Variants in ABTB2 observed in about 807,000 individuals in gnomAD.
ABTB2 encodes the protein ankyrin repeat and BTB/POZ domain-containing protein 2.
In ABTB2, 56 loss-of-function variants were observed where a neutral mutation model predicts 104.1. The ratio of observed to expected loss-of-function variants is 0.54; its 90% CI spans 0.43 to 0.67. The LOEUF (loss-of-function observed/expected upper bound fraction) is 0.67. ABTB2 is among the 30% of genes least tolerant of loss of function. The probability of loss-of-function intolerance (pLI) is 0.00; values close to 1 mark genes in which losing one functional copy is unlikely to be tolerated. For synonymous variants in ABTB2, 606 were observed against 608.2 expected (o/e 1.00, Z 0.05); for missense variants, 1,279 against 1,407.7 (o/e 0.91, Z 1.46).
In ABTB2 at chr11:34,310,176, G is replaced by A. The variant is rs149076683; in HGVS notation, c.883+46525C>T. The stretch of plus-strand genomic sequence containing the variant: ...CACTGAGAGCCCAGGAAGGGCTCGA[G>A]AAGTAATCCCTCATCCATATGCAGA... On this transcript the variant is annotated intron_variant, in intron 1 of 16. Coordinates refer to ENST00000435224, the MANE Select transcript of ABTB2 (RefSeq NM_145804.3). Among the ~76,000 whole-genome samples, 131 of 152,228 alleles carry A rather than the reference G, an allele frequency of 8.6e-4. 1 individual carries two copies. Among genetic ancestry groups the A allele is most frequent in the African/African-American group, 2.9e-3 (121 of 41,544 alleles).
intron 1 of ABTB2, among the ~76,000 whole-genome samples, chr11:34,231,068 T>C (rs1853763762): frequency 6.6e-6 from 1 of 152,088 alleles, no homozygotes; most frequent in Non-Finnish European, 1.5e-5. Flanking sequence ...TTCGAGAAAT[T>C]GACTGATTTT....
chr11:34,191,059 C>T (rs1429032561), intron 3 of ABTB2, among the ~76,000 whole-genome samples: 1 of 152,166 alleles, frequency 6.6e-6, no homozygotes, highest in Non-Finnish European at 1.5e-5. Flanking sequence ...GATGAGATAA[C>T]ACCTCTGGGA....
At chr11:34,208,183 C>A (rs117873996) in intron 1 of ABTB2, among the ~76,000 whole-genome samples, 1 of 152,202 alleles carries the variant, frequency 6.6e-6, no homozygotes, top group African/African-American at 2.4e-5. Context: ...CCTTTCCCCA[C>A]ACAAATTCCC....
At chr11:34,303,419 T>C (rs1023963482) in intron 1 of ABTB2, among the ~76,000 whole-genome samples, 5 of 152,336 alleles carry the variant, frequency 3.3e-5, no homozygotes, top group Admixed American at 3.3e-4. Flanking sequence ...TCTAAGGCAC[T>C]CTTAATCAAT....
intron 1 of ABTB2, among the ~76,000 whole-genome samples, chr11:34,217,257 A>G (rs1426207083): frequency 6.6e-6 from 1 of 152,176 alleles, no homozygotes; most frequent in Admixed American, 6.5e-5. Context: ...CTCTCCTGGG[A>G]TAAGTCCTAA....
chr11:34,279,225 T>G (rs1305336785), intron 1 of ABTB2, among the ~76,000 whole-genome samples: 1 of 152,198 alleles, frequency 6.6e-6, no homozygotes, highest in Non-Finnish European at 1.5e-5. Flanking sequence ...TCCTGAAAGC[T>G]CACTACTGCC....
chr11:34,247,592 C>A (rs1050159145), intron 1 of ABTB2, among the ~76,000 whole-genome samples: 2 of 152,218 alleles, frequency 1.3e-5, no homozygotes, highest in African/African-American at 4.8e-5. Context: ...TTTCAATTTA[C>A]AATGGGCTTA....
intron 1 of ABTB2, among the ~76,000 whole-genome samples, chr11:34,300,976 C>T (rs997694654): frequency 5.3e-5 from 8 of 152,140 alleles, no homozygotes; most frequent in Admixed American, 1.3e-4. Flanking sequence ...CCATCTAGTT[C>T]CCGTGGGTAG....
In ABTB2 at chr11:34,154,775, G is replaced by A. The variant is rs752590135; in HGVS notation, c.2698-6C>T. On this transcript the variant is annotated splice_region_variant and splice_polypyrimidine_tract_variant and intron_variant, in intron 14 of 16. Coordinates refer to ENST00000435224, the MANE Select transcript of ABTB2 (RefSeq NM_145804.3). This position sits in a 1 kb window ranked among gnomAD's most constrained non-coding sequence, Gnocchi z 4.9. Reference sequence around the variant, plus strand: ...TACAGATACTGCATCATCATCTGTGGTGGGAAGAGGCCCATGTGAATGCCA... The same window carrying A: ...TACAGATACTGCATCATCATCTGTGATGGGAAGAGGCCCATGTGAATGCCA... The A allele has an allele frequency of 6.2e-7, 1 of 1,613,978 alleles. No individual in the cohort carries two copies. The highest frequency in any genetic ancestry group is 8.5e-7 in the Non-Finnish European group (1 of 1,179,882).
At chr11:34,264,167 A>G (rs577490051) in intron 1 of ABTB2, among the ~76,000 whole-genome samples, 14 of 152,350 alleles carry the variant, frequency 9.2e-5, no homozygotes, top group African/African-American at 3.4e-4. Flanking sequence ...CTGATCTTCT[A>G]GAAGCAGCTT....
chr11:34,197,713 C>T lies in ABTB2; in HGVS notation c.1031-175G>A, dbSNP rs554852689. The stretch of plus-strand genomic sequence containing the variant: ...AGGTGGAAACTGTCACCTAGATGCA[C>T]AATAGCAATTTCGTTTCCCTTTCAT... On this transcript the variant is annotated intron_variant, in intron 2 of 16. Coordinates refer to ENST00000435224, the MANE Select transcript of ABTB2 (RefSeq NM_145804.3). Among the ~76,000 whole-genome samples, 3 of 152,358 alleles carry T rather than the reference C, an allele frequency of 2.0e-5. No homozygotes were observed. The South Asian group carries it at 6.2e-4, about 32-fold the overall frequency.
chr11:34,183,733 T>C (rs1286239974), intron 3 of ABTB2, among the ~76,000 whole-genome samples: 1 of 152,202 alleles, frequency 6.6e-6, no homozygotes, highest in Non-Finnish European at 1.5e-5. Flanking sequence ...CAGAGGCATT[T>C]TTGCTCACTG....
At chr11:34,239,910 G>A (rs571442948) in intron 1 of ABTB2, among the ~76,000 whole-genome samples, 22 of 152,150 alleles carry the variant, frequency 1.4e-4, no homozygotes, top group Non-Finnish European at 2.6e-4. Flanking sequence ...AAAAAGCAAG[G>A]CATCTGTTTC....
At chr11:34,274,451 T>C (rs561790004) in intron 1 of ABTB2, among the ~76,000 whole-genome samples, 2 of 152,252 alleles carry the variant, frequency 1.3e-5, no homozygotes, top group African/African-American at 4.8e-5. Context: ...TCACCTGGAC[T>C]CTCAGTTTGC....
At chr11:34,254,946 C>T (rs1016697113) in intron 1 of ABTB2, among the ~76,000 whole-genome samples, 5 of 152,084 alleles carry the variant, frequency 3.3e-5, no homozygotes, top group African/African-American at 1.2e-4. Context: ...ATTACAGGTG[C>T]GAGCTACCAT....
chr11:34,298,182 C>T (rs2133097107), intron 1 of ABTB2, among the ~76,000 whole-genome samples: 1 of 151,826 alleles, frequency 6.6e-6, no homozygotes, highest in African/African-American at 2.4e-5. Context: ...CTGACTTGCC[C>T]AAGATCTCAC....
chr11:34,276,584 A>G (rs1854384552), intron 1 of ABTB2, among the ~76,000 whole-genome samples: 1 of 152,234 alleles, frequency 6.6e-6, no homozygotes, highest in Non-Finnish European at 1.5e-5. Flanking sequence ...TGGCATGCAC[A>G]TCTGGATTAC....
At chr11:34,223,462 C>T (rs750121309) in intron 1 of ABTB2, among the ~76,000 whole-genome samples, 4 of 152,172 alleles carry the variant, frequency 2.6e-5, no homozygotes, top group Non-Finnish European at 4.4e-5. Context: ...ACATTTGCCC[C>T]GTAATCATCA....
chr11:34,180,025 C>G (rs1482491846), intron 3 of ABTB2, among the ~76,000 whole-genome samples: 1 of 152,152 alleles, frequency 6.6e-6, no homozygotes, highest in Non-Finnish European at 1.5e-5. Flanking sequence ...ACTATTATTA[C>G]TAGTTTAGTG....
Sources: gnomAD v4.1 joint callset for allele counts (sites outside exome capture counted in the v4.1 genomes callset) on GRCh38, gnomAD v4.1.1 for gene constraint, Gnocchi (gnomAD v3.1) non-coding constraint, MANE v1.5 for transcripts, NCBI Gene and HGNC (gene_info 2026-07-23, HGNC 2026-07-21) for gene names.